Variants in SLC37A2 observed in about 807,000 individuals in gnomAD.
SLC37A2 encodes glucose-6-phosphate exchanger SLC37A2.
A neutral mutation model predicts 70.7 loss-of-function variants in SLC37A2; 59 were observed. The ratio of observed to expected loss-of-function variants is 0.83; its 90% confidence interval spans 0.68 to 1.04. The LOEUF (loss-of-function observed/expected upper bound fraction) is 1.04, where lower values mean the gene tolerates loss of function less well. Among genes scored for constraint, SLC37A2 ranks in the 50% least tolerant of loss-of-function variants. The pLI is 0.00. For missense variants in SLC37A2, 580 were observed against 658.1 expected (o/e 0.88, Z 1.30); for synonymous variants, 257 against 262.1 (o/e 0.98, Z 0.19).
At chr11:125,081,270 G>A in intron 7 of SLC37A2, 151 bp from the exon 8 acceptor site, 1 of 738,016 alleles carries the variant, frequency 1.4e-6, no homozygotes, top group South Asian at 1.9e-5. Context: ...GCTCCCTCCT[G>A]CTGGGACACA....
intron 5 of SLC37A2, 90 bp downstream of exon 5, chr11:125,079,337 T>G (rs1382337352): frequency 1.8e-5 from 27 of 1,521,032 alleles, no homozygotes; most frequent in Non-Finnish European, 2.4e-5. Flanking sequence ...GAGCCTGTGT[T>G]CCTGGCTCCC....
chr11:125,065,753 TA>T (rs1236615030), intron 1 of SLC37A2, among the ~76,000 whole-genome samples: 2 of 150,332 alleles, frequency 1.3e-5, no homozygotes, highest in African/African-American at 2.4e-5. Context: ...TATGTACTGG[TA>T]AAAAAAAAAT....
At chr11:125,070,614 G>A (rs1949020956) in intron 1 of SLC37A2, among the ~76,000 whole-genome samples, 1 of 152,316 alleles carries the variant, frequency 6.6e-6, no homozygotes, top group South Asian at 2.1e-4. Context: ...CTGCAAAGAG[G>A]TGCATGGTAA....
intron 4 of SLC37A2, among the ~76,000 whole-genome samples, chr11:125,078,665 A>G (rs1949114995): frequency 6.6e-6 from 1 of 152,092 alleles, no homozygotes; most frequent in African/African-American, 2.4e-5. Context: ...GGGAAGAGGA[A>G]GAGGAATTCA....
chr11:125,085,409 C>T lies in SLC37A2; in HGVS notation c.1263C>T (p.Ser421=). The change falls in exon 15 of 18, where the codon AGC becomes AGT. Residue 421 remains serine, a synonymous_variant. Transcript: ENST00000403796. ...TCTCTCTCCAGGGGACTCACAAGAG[C>T]CTGAAGGGCAACGCCAAAGCCCTGT... ...AVSADLGTHK[S]LKGNAKALST... 6.2e-7 allele frequency: 1 copy of T among 1,613,880 alleles called. No individual in the cohort carries two copies. The highest frequency in any genetic ancestry group is 8.5e-7 in the Non-Finnish European group (1 of 1,179,962).
At position 125,080,732 on chromosome 11, in the gene SLC37A2, A is replaced by G; in HGVS notation, c.646A>G (p.Ile216Val). The stretch of plus-strand genomic sequence containing the variant: ...GGGCCTGTCGTTCATCGTGCCTGGC[A>G]TCATTACTGCCGTCATGGGCGTCAT... ...QWGLSFIVPGIITAVMGVITF... is the reference protein window; with the variant it reads ...QWGLSFIVPGVITAVMGVITF... Residue 216 changes from isoleucine (I) to valine (V), a missense_variant, in exon 7 of 18, where the codon ATC (isoleucine) becomes GTC (valine). Physicochemically the swap from Ile to Val is conservative, Grantham distance 29. Coordinates refer to ENST00000403796, the MANE Select transcript of SLC37A2 (RefSeq NM_001145290.2). The surrounding 1 kb of genome is among the most constrained non-coding windows in gnomAD (Gnocchi z 4.3). 1 of 1,559,750 alleles carries G rather than the reference A, an allele frequency of 6.4e-7. No individual in the cohort carries two copies.
At chr11:125,067,376 G>A (rs577846763) in intron 1 of SLC37A2, among the ~76,000 whole-genome samples, 16 of 152,280 alleles carry the variant, frequency 1.1e-4, no homozygotes, top group Admixed American at 7.9e-4. Context: ...TCAGGGTGCT[G>A]ATAAATAGAA....
At chr11:125,074,889 T>A (rs1949067055) in intron 1 of SLC37A2, among the ~76,000 whole-genome samples, 1 of 152,166 alleles carries the variant, frequency 6.6e-6, no homozygotes, top group Admixed American at 6.5e-5. Flanking sequence ...TGGCCAAACA[T>A]CATGGCAGAG....
Position 125,080,680 on chromosome 11 carries a change from C to G in SLC37A2, c.594C>G (p.Ile198Met), listed in dbSNP as rs779369123. 6 of 1,585,890 alleles carry G rather than the reference C, an allele frequency of 3.8e-6. No homozygotes were observed. In the African/African-American group the frequency reaches 8.2e-5, roughly 22 times the overall value. The stretch of plus-strand genomic sequence containing the variant: ...TGGGCAACATCCTGGGCTCCCTGAT[C>G]GCCGGCATCTGGGTGAACGGGCAGT... The part of the protein sequence containing the change: ...TSVGNILGSL[I>M]AGIWVNGQWG... The change falls in exon 7 of 18, where the codon ATC (isoleucine) becomes ATG (methionine). Residue 198 changes from isoleucine (I) to methionine (M), a missense_variant. Physicochemically the swap from Ile to Met is conservative, Grantham distance 10. Coordinates refer to ENST00000403796, the MANE Select transcript of SLC37A2 (RefSeq NM_001145290.2). The surrounding 1 kb of genome is among the most constrained non-coding windows in gnomAD (Gnocchi z 4.3).
chr11:125,082,125 G>A, intron 9 of SLC37A2, 119 bp from the exon 10 acceptor site: 2 of 1,086,234 alleles, frequency 1.8e-6, no homozygotes, highest in South Asian at 2.7e-5. Context: ...ATGTGTTGGA[G>A]GCTGCCTTGT....
intron 8 of SLC37A2, 124 bp downstream of exon 8, chr11:125,081,582 T>A (rs1027053435): frequency 7.2e-7 from 1 of 1,382,372 alleles, no homozygotes. Context: ...GACCCAGTGC[T>A]AGGCCCATGG....
chr11:125,074,871 A>G (rs1949066826), intron 1 of SLC37A2, among the ~76,000 whole-genome samples: 1 of 152,236 alleles, frequency 6.6e-6, no homozygotes, highest in African/African-American at 2.4e-5. Context: ...ATTTGTCACC[A>G]TGGTCAGTGG....
chr11:125,081,246 G>A (rs1277311274), intron 7 of SLC37A2, among the ~76,000 whole-genome samples, 175 bp from the exon 8 acceptor site: 1 of 152,020 alleles, frequency 6.6e-6, no homozygotes, highest in Non-Finnish European at 1.5e-5. Context: ...GCTGTCTCCT[G>A]AGCCCCAGGC....
rs1591632244 is a variant in SLC37A2 at position 125,079,838 on chromosome 11, G to A, written c.527+78G>A. The A allele has an allele frequency of 4.4e-6, 5 of 1,133,550 alleles. No individual in the cohort carries two copies. In the East Asian group the frequency reaches 7.3e-5, roughly 17 times the overall value. 70.2% of individuals were successfully genotyped at this position (1,133,550 alleles called of 1,614,324 possible). ...TGAGCTGGTCACCGTGGCCTCTGAT[G>A]TAATTTCAGAGGGAAGGGTCAGAAA... is the stretch of plus-strand genomic sequence containing the variant. On this transcript the variant is annotated intron_variant, in intron 6 of 17. Transcript: ENST00000403796.
chr11:125,067,840 C>G (rs1359126225), intron 1 of SLC37A2, among the ~76,000 whole-genome samples: 1 of 152,148 alleles, frequency 6.6e-6, no homozygotes, highest in East Asian at 1.9e-4. Context: ...TCTGGAACAA[C>G]CAGTCATTTT....
chr11:125,066,421 C>G (rs1948980600), intron 1 of SLC37A2, among the ~76,000 whole-genome samples: 1 of 152,124 alleles, frequency 6.6e-6, no homozygotes, highest in East Asian at 1.9e-4. Flanking sequence ...TCTCAAAAAA[C>G]AAAAATCTCC....
intron 1 of SLC37A2, among the ~76,000 whole-genome samples, chr11:125,072,928 C>T (rs1949044537): frequency 6.6e-6 from 1 of 152,146 alleles, no homozygotes. Flanking sequence ...GGAAGGAAGT[C>T]CCAGAAAAGG....
chr11:125,077,547 C>T lies in SLC37A2; in HGVS notation c.314+19C>T. The T allele has an allele frequency of 6.2e-7, 1 of 1,604,022 alleles. No homozygotes were observed. Among genetic ancestry groups the T allele is most frequent in the Non-Finnish European group, 8.5e-7 (1 of 1,172,888 alleles). On this transcript the variant is annotated intron_variant, in intron 4 of 17. Coordinates refer to ENST00000403796, the MANE Select transcript of SLC37A2 (RefSeq NM_001145290.2). ...TCATCAGGTAAGGACAGAGGCTGAG[C>T]CTATGACCAAGAGGAGGATGGTTTA...
In SLC37A2 at chr11:125,085,117, C is replaced by G; in HGVS notation, c.1226C>G (p.Thr409Ser). Residue 409 changes from threonine (T) to serine (S), a missense_variant, in exon 14 of 18, where the codon ACC becomes AGC. Coordinates refer to ENST00000403796, the MANE Select transcript of SLC37A2 (RefSeq NM_001145290.2). ...GLVNGPYALI[T>S]TAVSADLGTH... ...GTCAATGGCCCATACGCGCTCATCACCACTGCTGTCTCTGCTGATCTGGTG... is the reference window on the plus strand; with the variant it reads ...GTCAATGGCCCATACGCGCTCATCAGCACTGCTGTCTCTGCTGATCTGGTG... 6.2e-7 allele frequency: 1 copy of G among 1,614,022 alleles called. No individual in the cohort carries two copies. Among genetic ancestry groups the G allele is most frequent in the Non-Finnish European group, 8.5e-7 (1 of 1,179,958 alleles).
Sources: gnomAD v4.1 joint callset for allele counts (sites outside exome capture counted in the v4.1 genomes callset) on GRCh38, gnomAD v4.1.1 for gene constraint, Gnocchi (gnomAD v3.1) non-coding constraint, MANE v1.5 for transcripts, NCBI Gene and HGNC (gene_info 2026-07-23, HGNC 2026-07-21) for gene names.